PTCHD4: variants seen among roughly 807,000 people sequenced by gnomAD.
PTCHD4 encodes patched domain containing 4, also known as patched domain-containing protein 4.
A neutral mutation model predicts 58.1 loss-of-function variants in PTCHD4; 33 were observed. That is an observed-to-expected ratio of 0.57 (90% CI 0.43 to 0.76). PTCHD4 has a LOEUF of 0.76. Ranked by LOEUF, PTCHD4 falls within the 30% of genes least tolerant of loss-of-function variation. The pLI is 0.00. For missense variants in PTCHD4, 1,058 were observed against 1,027.1 expected, an observed-to-expected ratio of 1.03 and a Z score of -0.41; for synonymous variants, 478 against 409.6, an observed-to-expected ratio of 1.17 and a Z score of -2.02.
intron 1 of PTCHD4, among the ~76,000 whole-genome samples, chr6:48,084,195 A>G (rs942107718): frequency 6.6e-6 from 1 of 152,224 alleles, no homozygotes; most frequent in African/African-American, 2.4e-5. Flanking sequence ...ACTGTTAGCA[A>G]TCTACAAAGC....
intron 3 of PTCHD4, among the ~76,000 whole-genome samples, chr6:48,031,817 A>AT (rs1562016973): frequency 6.6e-6 from 1 of 152,102 alleles, no homozygotes; most frequent in Non-Finnish European, 1.5e-5. Context: ...TCTCAGAATG[A>AT]TTTTTTTATA....
At chr6:47,922,181 G>A (rs987304360) in intron 4 of PTCHD4, among the ~76,000 whole-genome samples, 11 of 152,024 alleles carry the variant, frequency 7.2e-5, no homozygotes, top group African/African-American at 2.7e-4. Flanking sequence ...GTTACTCATA[G>A]CCAAGCTTAA....
intron 4 of PTCHD4, among the ~76,000 whole-genome samples, chr6:48,006,338 A>G (rs950909280): frequency 6.6e-6 from 1 of 152,202 alleles, no homozygotes; most frequent in Non-Finnish European, 1.5e-5. Flanking sequence ...CACAGAGCCT[A>G]GGTTACAATC....
At chr6:48,018,823 C>T (rs900728623) in intron 3 of PTCHD4, among the ~76,000 whole-genome samples, 5 of 152,154 alleles carry the variant, frequency 3.3e-5, no homozygotes, top group South Asian at 2.1e-4. Context: ...TGATGTTGAC[C>T]TACATAAGAG....
At chr6:47,891,003 T>G (rs1433137909) in intron 4 of PTCHD4, 17 of 307,294 alleles carry the variant, frequency 5.5e-5, no homozygotes, top group African/African-American at 2.8e-4. Context: ...AGGTCAGGAG[T>G]TTGAGACCAG....
chr6:48,053,486 A>G (rs897705330), intron 3 of PTCHD4, among the ~76,000 whole-genome samples: 1 of 145,220 alleles, frequency 6.9e-6, no homozygotes, highest in Non-Finnish European at 1.5e-5. Context: ...CTTGATGGAA[A>G]TCAGAGAGCT....
At chr6:47,986,261 T>C (rs1410051407) in intron 4 of PTCHD4, among the ~76,000 whole-genome samples, 5 of 152,174 alleles carry the variant, frequency 3.3e-5, no homozygotes, top group Non-Finnish European at 7.4e-5. Context: ...ATTGTCCTTA[T>C]TTATGACAAT....
chr6:48,051,288 A>G lies in PTCHD4; in HGVS notation c.417+16942T>C, dbSNP rs952338612. Among the ~76,000 whole-genome samples, 3 of 152,032 alleles carry G rather than the reference A, an allele frequency of 2.0e-5. No individual in the cohort carries two copies. In the East Asian group the frequency reaches 5.8e-4, roughly 29 times the overall value. ...ATTAAATCAGGTATTACCCAAAACA[A>G]AAGTAGGAATTAAGTCTTTGTTCTT... On this transcript the variant is annotated intron_variant, in intron 3 of 4. Transcript: ENST00000339488.
At chr6:47,929,703 C>T (rs1765744281) in intron 4 of PTCHD4, among the ~76,000 whole-genome samples, 1 of 152,210 alleles carries the variant, frequency 6.6e-6, no homozygotes, top group Admixed American at 6.5e-5. Flanking sequence ...CTTAAATGCT[C>T]TGGTGCTGTT....
At chr6:48,071,424 A>G (rs1277704621) in intron 1 of PTCHD4, among the ~76,000 whole-genome samples, 1 of 152,220 alleles carries the variant, frequency 6.6e-6, no homozygotes. Flanking sequence ...ATTTTGCAAA[A>G]TAAAAAATAT....
At chr6:48,037,519 T>C (rs1338892350) in intron 3 of PTCHD4, among the ~76,000 whole-genome samples, 1 of 152,174 alleles carries the variant, frequency 6.6e-6, no homozygotes, top group Non-Finnish European at 1.5e-5. Flanking sequence ...ATTTGTGTCT[T>C]TCCTTCTTTT....
chr6:48,068,358 G>C lies in PTCHD4; in HGVS notation c.289C>G (p.Gln97Glu), dbSNP rs1015280898. Residue 97 changes from glutamine to glutamate, a missense_variant, in exon 3 of 5, where the codon CAG becomes GAG. Coordinates refer to ENST00000339488, the MANE Select transcript of PTCHD4 (RefSeq NM_001384253.1). The surrounding 1 kb of genome is among the most constrained non-coding windows in gnomAD (Gnocchi z 4.2). ...GGGGTGTGTAAGTCCGAATAGAGCT[G>C]GCTTTTGGACTGGTCCAGGGGGAAA... The part of the protein sequence containing the change: ...SLFPLDQSKS[Q>E]LYSDLHTPGR... 6.2e-7 allele frequency: 1 copy of C among 1,613,852 alleles called. No individual in the cohort carries two copies.
chr6:47,879,883 CTT>C lies in PTCHD4; in HGVS notation c.950_951del (p.Lys317ArgfsTer15). 1 of 1,590,310 alleles carries C rather than the reference CTT, an allele frequency of 6.3e-7. No individual in the cohort carries two copies. Among genetic ancestry groups the C allele is most frequent in the Non-Finnish European group, 8.6e-7 (1 of 1,167,630 alleles). On this transcript the variant is annotated frameshift_variant, in exon 5 of 5. Transcript: ENST00000339488. LOFTEE classifies it high-confidence loss of function. ...ATCCTGTCTTTGAAGGGCAAGTTCT[CTT>C]TGGTTCTCCGCCATCCGGACAGAAG... ...FELLSGWRRT[K>X]ENLPFKDRIA... is the part of the protein sequence containing the mutation.
At chr6:48,059,373 G>A (rs960509545) in intron 3 of PTCHD4, among the ~76,000 whole-genome samples, 5 of 152,184 alleles carry the variant, frequency 3.3e-5, no homozygotes, top group Non-Finnish European at 5.9e-5. Context: ...GGGCGGGGTG[G>A]TTCACGCCTG....
intron 4 of PTCHD4, among the ~76,000 whole-genome samples, chr6:48,001,125 G>T (rs1160077344): frequency 6.6e-6 from 1 of 152,052 alleles, no homozygotes; most frequent in Non-Finnish European, 1.5e-5. Context: ...AAAAATGGAA[G>T]AACATTCCAT....
rs554935702 is a variant in PTCHD4, at chr6:48,012,368, C to T, written c.418-3254G>A. On this transcript the variant is annotated intron_variant, in intron 3 of 4. Transcript: ENST00000339488. ...GGGAGTTCACTCATGATTTGGCTCT[C>T]TGTTTGTCTATTATTGGTGTATAGG... Among the ~76,000 whole-genome samples the T allele has an allele frequency of 1.1e-4, 16 of 152,222 alleles. No homozygotes were observed. In the East Asian group the frequency reaches 2.9e-3, roughly 28 times the overall value.
chr6:48,077,250 G>A (rs997611018), intron 1 of PTCHD4, among the ~76,000 whole-genome samples: 1 of 152,210 alleles, frequency 6.6e-6, no homozygotes, highest in Non-Finnish European at 1.5e-5. Context: ...TTTTGGGAAT[G>A]ATCAATGTGG....
rs571436443 is a variant in PTCHD4 at position 48,011,749 on chromosome 6, A to G, written c.418-2635T>C. ...TAATCCATCTTGAGTTAATTTTTGTATAAGGTGTAAGGAAAGGGTCCAGTT... is the reference window on the plus strand; with the variant it reads ...TAATCCATCTTGAGTTAATTTTTGTGTAAGGTGTAAGGAAAGGGTCCAGTT... On this transcript the variant is annotated intron_variant, in intron 3 of 4. Coordinates refer to ENST00000339488, the MANE Select transcript of PTCHD4 (RefSeq NM_001384253.1). Among the ~76,000 whole-genome samples the G allele has an allele frequency of 6.6e-5, 10 of 152,252 alleles. No individual in the cohort carries two copies. The South Asian group carries it at 1.5e-3, about 22-fold the overall frequency.
chr6:48,031,169 A>G (rs1763425711), intron 3 of PTCHD4, among the ~76,000 whole-genome samples: 1 of 152,004 alleles, frequency 6.6e-6, no homozygotes, highest in Non-Finnish European at 1.5e-5. Context: ...ACCCCTTGAT[A>G]TCTAGTCTAA....
Sources: gnomAD v4.1 joint callset for allele counts (sites outside exome capture counted in the v4.1 genomes callset) on GRCh38, gnomAD v4.1.1 for gene constraint, Gnocchi (gnomAD v3.1) non-coding constraint, MANE v1.5 for transcripts, NCBI Gene and HGNC (gene_info 2026-07-23, HGNC 2026-07-21) for gene names.